The following DTNA variants were observed in gnomAD, a reference collection of about 807,000 sequenced individuals.
DTNA encodes dystrobrevin alpha.
In DTNA, 43 loss-of-function variants were observed where a neutral mutation model predicts 100.7. The ratio of observed to expected loss-of-function variants is 0.43; its 90% CI spans 0.33 to 0.55. The LOEUF (loss-of-function observed/expected upper bound fraction) is 0.55, where lower values mean the gene tolerates loss of function less well. Among genes scored for constraint, DTNA ranks in the 20% least tolerant of loss-of-function variants. The pLI, the probability that DTNA is intolerant of heterozygous loss-of-function variation, is 0.04. For synonymous variants in DTNA, 349 were observed against 347.9 expected (o/e 1.00, Z -0.04); for missense variants, 798 against 953.9 (o/e 0.84, Z 2.15).
chr18:34,612,440 G>T (rs554288912), intron 1 of DTNA, among the ~76,000 whole-genome samples: 2 of 152,166 alleles, frequency 1.3e-5, no homozygotes, highest in African/African-American at 2.4e-5. Flanking sequence ...AGATTAAGGG[G>T]ACAGAAGGAG....
chr18:34,664,842 A>C (rs1240776628), intron 1 of DTNA, among the ~76,000 whole-genome samples: 2 of 152,250 alleles, frequency 1.3e-5, no homozygotes, highest in Middle Eastern at 6.8e-3. Context: ...CATAAACAAA[A>C]GCTCTTGGAG....
intron 1 of DTNA, among the ~76,000 whole-genome samples, chr18:34,603,506 C>CT (rs1426275761): frequency 6.6e-6 from 1 of 151,422 alleles, no homozygotes; most frequent in Non-Finnish European, 1.5e-5. Flanking sequence ...CATTTGTATT[C>CT]TTTTTTTTCA....
At chr18:34,766,529 G>A (rs530485700) in intron 3 of DTNA, among the ~76,000 whole-genome samples, 1 of 151,886 alleles carries the variant, frequency 6.6e-6, no homozygotes, top group Non-Finnish European at 1.5e-5. Flanking sequence ...GTTGTGGTGT[G>A]GGAGGAAGGG....
chr18:34,728,585 A>G (rs2087308542), intron 1 of DTNA, among the ~76,000 whole-genome samples: 1 of 152,068 alleles, frequency 6.6e-6, no homozygotes, highest in Admixed American at 6.5e-5. Context: ...AATAAAAAGG[A>G]GGAATCAGCT....
At chr18:34,817,607 A>G (rs2095624396) in intron 7 of DTNA, among the ~76,000 whole-genome samples, 1 of 152,172 alleles carries the variant, frequency 6.6e-6, no homozygotes, top group Non-Finnish European at 1.5e-5. Flanking sequence ...TGTCAGATGT[A>G]GGCAACACCA....
At chr18:34,846,664 G>A (rs77540691) in intron 13 of DTNA, among the ~76,000 whole-genome samples, 129 of 145,218 alleles carry the variant, frequency 8.9e-4, no homozygotes, top group African/African-American at 3.0e-3. Context: ...TGAATGACCA[G>A]AAAAAAAAAA....
At chr18:34,547,078 AATATAAGTTACC>A (rs1203612835) in intron 1 of DTNA, among the ~76,000 whole-genome samples, 1 of 152,104 alleles carries the variant, frequency 6.6e-6, no homozygotes, top group Non-Finnish European at 1.5e-5. Flanking sequence ...GAATAAGTGT[AATATAAGTTACC>A]ATATACTGGT....
At chr18:34,691,693 T>C (rs1207330382) in intron 1 of DTNA, among the ~76,000 whole-genome samples, 2 of 152,190 alleles carry the variant, frequency 1.3e-5, no homozygotes, top group East Asian at 3.9e-4. Context: ...TATAGGGATA[T>C]TTTGTCTTTC....
chr18:34,773,353 A>G (rs1249193504), intron 3 of DTNA, among the ~76,000 whole-genome samples: 1 of 152,220 alleles, frequency 6.6e-6, no homozygotes, highest in Non-Finnish European at 1.5e-5. Flanking sequence ...TCTTGGATGT[A>G]AAAATAAAGT....
At chr18:34,836,771 A>G (rs2096158145) in intron 11 of DTNA, among the ~76,000 whole-genome samples, 1 of 152,090 alleles carries the variant, frequency 6.6e-6, no homozygotes, top group Non-Finnish European at 1.5e-5. Flanking sequence ...CATCTGACAA[A>G]CATGCATGTC....
chr18:34,741,656 G>A (rs1384501375), intron 1 of DTNA, among the ~76,000 whole-genome samples: 3 of 152,138 alleles, frequency 2.0e-5, no homozygotes, highest in Non-Finnish European at 2.9e-5. Flanking sequence ...TCTTCAAGAA[G>A]TACTGAGATC....
At chr18:34,872,117 T>C (rs2096771240) in intron 17 of DTNA, among the ~76,000 whole-genome samples, 1 of 152,152 alleles carries the variant, frequency 6.6e-6, no homozygotes, top group Non-Finnish European at 1.5e-5. Flanking sequence ...GAACCACTAA[T>C]GGGAGTTTTG....
intron 1 of DTNA, among the ~76,000 whole-genome samples, chr18:34,539,046 T>C (rs1436893974): frequency 1.3e-5 from 2 of 151,966 alleles, no homozygotes; most frequent in South Asian, 2.1e-4. Context: ...AATGAAAATA[T>C]GTTAAATGTC....
At chr18:34,591,517 C>G (rs1041380563) in intron 1 of DTNA, among the ~76,000 whole-genome samples, 1 of 152,130 alleles carries the variant, frequency 6.6e-6, no homozygotes, top group South Asian at 2.1e-4. Flanking sequence ...CATTGATGGC[C>G]GCACGTCTGT....
At chr18:34,560,162 G>C (rs1352082417) in intron 1 of DTNA, among the ~76,000 whole-genome samples, 2 of 152,012 alleles carry the variant, frequency 1.3e-5, no homozygotes, top group African/African-American at 2.4e-5. Flanking sequence ...CATCCTCTCT[G>C]GGTTAGATAC....
intron 1 of DTNA, among the ~76,000 whole-genome samples, chr18:34,616,217 G>T (rs1246792684): frequency 1.3e-5 from 2 of 152,104 alleles, no homozygotes; most frequent in African/African-American, 4.8e-5. Context: ...ACGTATAAGT[G>T]CTCCCTTTCC....
chr18:34,575,832 T>C (rs2579799), intron 1 of DTNA, among the ~76,000 whole-genome samples: 14,025 of 152,162 alleles, frequency 0.092, 646 homozygotes, highest in South Asian at 0.11. Flanking sequence ...CATTTTCCCC[T>C]AGAAAGTCTA....
At chr18:34,529,399 G>A (rs886560812) in intron 1 of DTNA, among the ~76,000 whole-genome samples, 1 of 152,070 alleles carries the variant, frequency 6.6e-6, no homozygotes, top group East Asian at 1.9e-4. Context: ...TATAATGGTA[G>A]AAGAGTAAAA....
At chr18:34,816,161 C>T in intron 7 of DTNA, 147 bp downstream of exon 7, 1 of 770,896 alleles carries the variant, frequency 1.3e-6, no homozygotes, top group South Asian at 1.5e-5. Flanking sequence ...ACCCATCTCC[C>T]TGTTCGGGAA....
Sources: gnomAD v4.1 joint callset for allele counts (sites outside exome capture counted in the v4.1 genomes callset) on GRCh38, gnomAD v4.1.1 for gene constraint, MANE v1.5 for transcripts, NCBI Gene and HGNC (gene_info 2026-07-23, HGNC 2026-07-21) for gene names.